Variants in EPS15 observed in about 807,000 individuals in gnomAD.
EPS15 encodes epidermal growth factor receptor pathway substrate 15, also known as epidermal growth factor receptor substrate 15.
In EPS15, 72 loss-of-function variants were observed where a neutral mutation model predicts 113.8. That is an observed-to-expected ratio of 0.63 (90% CI 0.52 to 0.77). EPS15 has a LOEUF of 0.77. Ranked by LOEUF, EPS15 falls within the 30% of genes least tolerant of loss-of-function variation. The pLI is 0.00. For missense variants in EPS15, 1,048 were observed against 1,045.8 expected (o/e 1.00, Z -0.03); for synonymous variants, 344 against 363.4 (o/e 0.95, Z 0.61).
At chr1:51,493,347 C>G (rs1307081770) in intron 1 of EPS15, among the ~76,000 whole-genome samples, 1 of 142,598 alleles carries the variant, frequency 7.0e-6, no homozygotes, top group Admixed American at 7.2e-5. Context: ...GATGACAGAG[C>G]GAGACTCCAT....
chr1:51,496,722 T>C (rs1192416839), intron 1 of EPS15, among the ~76,000 whole-genome samples: 1 of 152,236 alleles, frequency 6.6e-6, no homozygotes, highest in East Asian at 1.9e-4. Context: ...TGCAGTTTTC[T>C]GTTACATTTC....
chr1:51,437,279 T>C (rs1652225284), intron 12 of EPS15, among the ~76,000 whole-genome samples: 1 of 152,122 alleles, frequency 6.6e-6, no homozygotes, highest in Admixed American at 6.5e-5. Flanking sequence ...TTTCCATTGG[T>C]TTGCAATGCT....
At chr1:51,416,577 T>C (rs1310159261) in intron 13 of EPS15, among the ~76,000 whole-genome samples, 1 of 152,190 alleles carries the variant, frequency 6.6e-6, no homozygotes, top group Admixed American at 6.5e-5. Context: ...CTGAAGTTAC[T>C]GAAAATGGCA....
intron 22 of EPS15, among the ~76,000 whole-genome samples, chr1:51,364,497 T>A (rs1646462215): frequency 7.1e-6 from 1 of 140,264 alleles, no homozygotes; most frequent in Non-Finnish European, 1.5e-5. Context: ...AACTTGAAAG[T>A]CAATTTTTTT....
chr1:51,358,716 T>G (rs1035767630), intron 24 of EPS15, among the ~76,000 whole-genome samples: 17 of 149,840 alleles, frequency 1.1e-4, no homozygotes, highest in African/African-American at 2.7e-4. Context: ...TTTGTTTTTT[T>G]TTTTTTTTTT....
At chr1:51,404,782 T>C (rs914393263) in intron 16 of EPS15, among the ~76,000 whole-genome samples, 2 of 152,186 alleles carry the variant, frequency 1.3e-5, no homozygotes, top group Non-Finnish European at 2.9e-5. Context: ...CAATCACCCA[T>C]AGAGTGTGTT....
chr1:51,385,145 G>A (rs1165902766), intron 21 of EPS15, among the ~76,000 whole-genome samples: 1 of 152,100 alleles, frequency 6.6e-6, no homozygotes, highest in Non-Finnish European at 1.5e-5. Context: ...GAATGAAAAG[G>A]TAACCCACAG....
intron 1 of EPS15, among the ~76,000 whole-genome samples, chr1:51,484,541 A>G (rs1644085084): frequency 6.6e-6 from 1 of 152,244 alleles, no homozygotes; most frequent in Non-Finnish European, 1.5e-5. Flanking sequence ...CAAGTTATCA[A>G]CTAGTAGTCT....
intron 12 of EPS15, 183 bp from the exon 13 acceptor site, chr1:51,422,041 ATTTGT>A: frequency 7.9e-7 from 1 of 1,260,622 alleles, no homozygotes; most frequent in Admixed American, 3.7e-5. Context: ...TATAAGCTCC[ATTTGT>A]AAAAAAAAAA....
At chr1:51,370,246 C>T (rs76455383) in intron 21 of EPS15, among the ~76,000 whole-genome samples, 5,494 of 152,258 alleles carry the variant, frequency 0.036, 140 homozygotes, top group Non-Finnish European at 0.055. Context: ...ACTGTGTTGC[C>T]AGTCGTATCA....
chr1:51,397,564 T>G (rs545406269), intron 20 of EPS15, among the ~76,000 whole-genome samples: 15 of 152,282 alleles, frequency 9.9e-5, no homozygotes, highest in African/African-American at 1.4e-4. Context: ...TAGAAGAATT[T>G]GGCAAATGGG....
intron 12 of EPS15, among the ~76,000 whole-genome samples, chr1:51,429,708 T>C (rs1651543125): frequency 6.6e-6 from 1 of 151,562 alleles, no homozygotes; most frequent in Non-Finnish European, 1.5e-5. Context: ...TGGAGTGCAG[T>C]GGCGCGATCT....
chr1:51,409,629 A>C lies in EPS15; in HGVS notation c.1181T>G (p.Val394Gly), dbSNP rs990577692. The C allele has an allele frequency of 1.2e-6, 2 of 1,613,768 alleles. No individual in the cohort carries two copies. Among genetic ancestry groups the C allele is most frequent in the African/African-American group, 2.7e-5 (2 of 75,002 alleles). ...LQKLQAQKQQ[V>G]QELLDELDEQ... Reference sequence around the variant, plus strand: ...ATCCAGTTCATCAAGGAGTTCCTGTACCTGCTGTTTCTGGGCCTGTAGTTT... The same window carrying C: ...ATCCAGTTCATCAAGGAGTTCCTGTCCCTGCTGTTTCTGGGCCTGTAGTTT... Residue 394 changes from valine to glycine, a missense_variant, in exon 14 of 25, where the codon GTA becomes GGA. Val to Gly is a moderately radical substitution (Grantham distance 109, BLOSUM62 -3). Transcript: ENST00000371733.
chr1:51,393,392 T>G (rs922362722), intron 21 of EPS15, among the ~76,000 whole-genome samples: 2 of 152,222 alleles, frequency 1.3e-5, no homozygotes, highest in Non-Finnish European at 1.5e-5. Flanking sequence ...GCATTTTTAG[T>G]GGAGACGGGG....
intron 10 of EPS15, among the ~76,000 whole-genome samples, chr1:51,446,453 CTT>C (rs370161989): frequency 7.6e-5 from 10 of 132,174 alleles, no homozygotes; most frequent in Non-Finnish European, 8.1e-5. Flanking sequence ...CACTGTCATT[CTT>C]TTTTTTTTTT....
intron 21 of EPS15, among the ~76,000 whole-genome samples, chr1:51,384,546 C>T (rs2148387605): frequency 6.6e-6 from 1 of 152,028 alleles, no homozygotes; most frequent in African/African-American, 2.4e-5. Context: ...AGTCATTGGC[C>T]AGGCTGGTCT....
intron 13 of EPS15, among the ~76,000 whole-genome samples, chr1:51,419,221 T>C (rs1650518704): frequency 6.6e-6 from 1 of 152,256 alleles, no homozygotes; most frequent in East Asian, 1.9e-4. Flanking sequence ...ATATATCTCA[T>C]ACAAGCTAAC....
chr1:51,408,459 A>C, intron 14 of EPS15, 127 bp from the exon 15 acceptor site: 1 of 667,270 alleles, frequency 1.5e-6, no homozygotes, highest in South Asian at 1.9e-5. Flanking sequence ...AGCAATAGCA[A>C]ATAATTTATT....
At chr1:51,387,989 C>A (rs573880956) in intron 21 of EPS15, among the ~76,000 whole-genome samples, 1 of 152,308 alleles carries the variant, frequency 6.6e-6, no homozygotes, top group Non-Finnish European at 1.5e-5. Context: ...ATCTACAGAA[C>A]TCTCCACCAC....
Sources: allele counts gnomAD v4.1 joint callset (sites outside exome capture counted in the v4.1 genomes callset), GRCh38; gene constraint gnomAD v4.1.1; transcripts MANE v1.5; gene names NCBI Gene and HGNC (gene_info 2026-07-23, HGNC 2026-07-21).